Variants in ZFYVE28 observed in about 807,000 individuals in gnomAD.
The protein encoded by ZFYVE28 is zinc finger FYVE-type containing 28.
Under a neutral mutation model 82.1 loss-of-function variants are expected in ZFYVE28, and 40 were observed. That is an observed-to-expected ratio of 0.49 (90% CI 0.38 to 0.63). The LOEUF (loss-of-function observed/expected upper bound fraction) is 0.63, where lower values mean the gene tolerates loss of function less well. Ranked by LOEUF, ZFYVE28 falls within the 30% of genes least tolerant of loss-of-function variation. The pLI is 0.00. For missense variants in ZFYVE28, 1,321 were observed against 1,242.1 expected (o/e 1.06, Z -0.96); for synonymous variants, 612 against 546.1 (o/e 1.12, Z -1.68).
intron 1 of ZFYVE28, among the ~76,000 whole-genome samples, chr4:2,404,974 G>A (rs539643701): frequency 1.1e-4 from 17 of 148,756 alleles, no homozygotes; most frequent in South Asian, 4.3e-4. Context: ...CAAGCAATCC[G>A]TCCCCCTTGG....
At position 2,320,403 on chromosome 4, in the gene ZFYVE28, C is replaced by T. The variant is rs910463162; in HGVS notation, c.702-132G>A. 2.3e-5 allele frequency: 15 copies of T among 666,466 alleles called. No homozygotes were observed. The highest frequency in any genetic ancestry group is 3.3e-5 in the Non-Finnish European group (13 of 388,086). The allele number at this position is 666,466 out of a possible 1,614,324, so 41.3% of individuals were successfully genotyped here. ...AGCGCCACTGTCCCAGCACGGCCGC[C>T]GCCTCATGCTTTGCCTTGTGTGATT... On this transcript the variant is annotated intron_variant, in intron 6 of 12. Coordinates refer to ENST00000290974, the MANE Select transcript of ZFYVE28 (RefSeq NM_020972.3). The surrounding 1 kb of genome is among the most constrained non-coding windows in gnomAD (Gnocchi z 5.1).
At position 2,320,987 on chromosome 4, in the gene ZFYVE28, T is replaced by C. The variant is rs960978070; in HGVS notation, c.702-716A>G. 6.6e-6 allele frequency among the ~76,000 whole-genome samples: 1 copy of C among 152,044 alleles called. No individual in the cohort carries two copies. Among genetic ancestry groups the C allele is most frequent in the African/African-American group, 2.4e-5 (1 of 41,386 alleles). ...GGCACCCACTCCTCTCCACGCACCGTCCAGCCCTGCCAAGCTCCGAGTGTG... is the reference window on the plus strand; with the variant it reads ...GGCACCCACTCCTCTCCACGCACCGCCCAGCCCTGCCAAGCTCCGAGTGTG... On this transcript the variant is annotated intron_variant, in intron 6 of 12. Transcript: ENST00000290974. The surrounding 1 kb of genome is among the most constrained non-coding windows in gnomAD (Gnocchi z 5.1).
intron 2 of ZFYVE28, among the ~76,000 whole-genome samples, chr4:2,350,575 G>C (rs1724268080): frequency 6.6e-6 from 1 of 152,214 alleles, no homozygotes; most frequent in Non-Finnish European, 1.5e-5. Context: ...CAGAGTGATA[G>C]GAGTTCACTG....
At position 2,271,758 on chromosome 4, in the gene ZFYVE28, G is replaced by A. The variant is rs199856439; in HGVS notation, c.2345C>T (p.Ala782Val). The A allele has an allele frequency of 8.7e-6, 14 of 1,613,672 alleles. No homozygotes were observed. Among genetic ancestry groups the A allele is most frequent in the Admixed American group, 5.0e-5 (3 of 60,026 alleles). The change falls in exon 11 of 13, where the codon GCG becomes GTG. Residue 782 changes from alanine (A) to valine (V), a missense_variant. This residue lies in a region of ZFYVE28 where 978 missense variants were observed against 833.7 expected (regional missense o/e 1.17). Coordinates refer to ENST00000290974, the MANE Select transcript of ZFYVE28 (RefSeq NM_020972.3). ...LRKVTQTLRS[A>V]ALEDCALCQE... is the part of the protein sequence containing the mutation. The stretch of plus-strand genomic sequence containing the variant: ...GCACAGTGCACAGTCCTCCAAGGCC[G>A]CACTCCGCAGAGTCTGGGTGACTAG...
intron 1 of ZFYVE28, among the ~76,000 whole-genome samples, chr4:2,386,167 T>C (rs1295850113): frequency 6.6e-6 from 1 of 152,068 alleles, no homozygotes; most frequent in African/African-American, 2.4e-5. Flanking sequence ...CACATGGAAG[T>C]AAATCCCCAA....
chr4:2,296,841 A>C (rs907826893), intron 8 of ZFYVE28, among the ~76,000 whole-genome samples: 1 of 152,072 alleles, frequency 6.6e-6, no homozygotes, highest in African/African-American at 2.4e-5. Flanking sequence ...GAGCCCCCGG[A>C]TCCGGAGAGC....
At chr4:2,388,323 A>G (rs1266930484) in intron 1 of ZFYVE28, among the ~76,000 whole-genome samples, 1 of 152,226 alleles carries the variant, frequency 6.6e-6, no homozygotes, top group East Asian at 1.9e-4. Flanking sequence ...GTCACTCCTA[A>G]TACTGTCAAC....
intron 2 of ZFYVE28, among the ~76,000 whole-genome samples, chr4:2,346,987 T>C (rs1450258102): frequency 1.3e-5 from 2 of 152,076 alleles, no homozygotes; most frequent in Non-Finnish European, 2.9e-5. Flanking sequence ...AAGACAGATT[T>C]TCAGATTGCA....
chr4:2,279,258 C>T (rs1195709964), intron 8 of ZFYVE28, among the ~76,000 whole-genome samples: 1 of 152,070 alleles, frequency 6.6e-6, no homozygotes. Flanking sequence ...TTGGTGAAAC[C>T]CCGTCTCTAC....
intron 8 of ZFYVE28, among the ~76,000 whole-genome samples, chr4:2,294,233 C>A (rs1485152365): frequency 6.6e-6 from 1 of 152,188 alleles, no homozygotes; most frequent in Non-Finnish European, 1.5e-5. Context: ...GACAGTGTGG[C>A]ATTGGTGTCA....
chr4:2,374,875 G>A (rs1727952560), intron 1 of ZFYVE28, among the ~76,000 whole-genome samples: 3 of 152,090 alleles, frequency 2.0e-5, no homozygotes, highest in South Asian at 2.1e-4. Flanking sequence ...TGCCACATTC[G>A]GCTCCTCCTC....
rs1431878724 is a variant in ZFYVE28 at position 2,372,746 on chromosome 4, G to A, written c.40-18673C>T. 6.6e-6 allele frequency among the ~76,000 whole-genome samples: 1 copy of A among 152,134 alleles called. No homozygotes were observed. The highest frequency in any genetic ancestry group is 2.4e-5 in the African/African-American group (1 of 41,422). On this transcript the variant is annotated intron_variant, in intron 1 of 12. Transcript: ENST00000290974. The surrounding 1 kb of genome is among the most constrained non-coding windows in gnomAD (Gnocchi z 5.2). ...TGATTGTGTCAGTTAAACTCCGAGG[G>A]TTGGGGCTCATGATGGCAGAGCCAG...
chr4:2,402,926 TG>T (rs2108675797), intron 1 of ZFYVE28, among the ~76,000 whole-genome samples: 1 of 152,280 alleles, frequency 6.6e-6, no homozygotes, highest in Non-Finnish European at 1.5e-5. Context: ...AACACCAGCA[TG>T]GTCTTCACAG....
rs775846480 is a variant in ZFYVE28 at position 2,335,460 on chromosome 4, C to T, written c.701+245G>A. Reference sequence around the variant, plus strand: ...CCAGTGGCAGGTGGCAGGTGTTAGGCCACCTTGCCCTATCTAGGGTGACAG... The same window carrying T: ...CCAGTGGCAGGTGGCAGGTGTTAGGTCACCTTGCCCTATCTAGGGTGACAG... On this transcript the variant is annotated intron_variant, in intron 6 of 12. Coordinates refer to ENST00000290974, the MANE Select transcript of ZFYVE28 (RefSeq NM_020972.3). The surrounding 1 kb of genome is among the most constrained non-coding windows in gnomAD (Gnocchi z 5.8). Among the ~76,000 whole-genome samples, 1 of 152,140 alleles carries T rather than the reference C, an allele frequency of 6.6e-6. No individual in the cohort carries two copies. The highest frequency in any genetic ancestry group is 1.5e-5 in the Non-Finnish European group (1 of 68,020).
At chr4:2,400,832 T>A (rs1057477224) in intron 1 of ZFYVE28, among the ~76,000 whole-genome samples, 1 of 152,278 alleles carries the variant, frequency 6.6e-6, no homozygotes, top group African/African-American at 2.4e-5. Flanking sequence ...TGGGCCTGCC[T>A]TTCCCAGCCC....
At chr4:2,351,251 T>TG (rs1201212919) in intron 2 of ZFYVE28, among the ~76,000 whole-genome samples, 2 of 152,138 alleles carry the variant, frequency 1.3e-5, no homozygotes, top group Admixed American at 6.5e-5. Context: ...ACTCGGTGTG[T>TG]GGGGAATACC....
At chr4:2,311,113 C>T (rs1415058284) in intron 7 of ZFYVE28, among the ~76,000 whole-genome samples, 1 of 152,058 alleles carries the variant, frequency 6.6e-6, no homozygotes, top group South Asian at 2.1e-4. Flanking sequence ...ATTTTAATAT[C>T]TGTAAGGTCT....
At chr4:2,356,513 C>T (rs1005042206) in intron 1 of ZFYVE28, among the ~76,000 whole-genome samples, 8 of 151,996 alleles carry the variant, frequency 5.3e-5, no homozygotes, top group African/African-American at 1.4e-4. Context: ...ACGGTGGGCA[C>T]TGGCTGCCAT....
chr4:2,353,464 T>C (rs1312973481), intron 2 of ZFYVE28, among the ~76,000 whole-genome samples: 1 of 152,236 alleles, frequency 6.6e-6, no homozygotes, highest in African/African-American at 2.4e-5. Flanking sequence ...TGGAAATGCC[T>C]CTGAGTGCTT....
Sources: allele counts gnomAD v4.1 joint callset (sites outside exome capture counted in the v4.1 genomes callset), GRCh38; gene constraint gnomAD v4.1.1; regional missense constraint gnomAD v4.1.1; non-coding constraint Gnocchi (gnomAD v3.1); transcripts MANE v1.5; gene names NCBI Gene and HGNC (gene_info 2026-07-23, HGNC 2026-07-21).